GNAL: variants seen among roughly 807,000 people sequenced by gnomAD.
GNAL encodes the protein guanine nucleotide-binding protein G(olf) subunit alpha.
In GNAL, 18 loss-of-function variants were observed where a neutral mutation model predicts 55.1. That is an observed-to-expected ratio of 0.33 (90% CI 0.23 to 0.48). The LOEUF (loss-of-function observed/expected upper bound fraction) is 0.48. Ranked by LOEUF, GNAL falls within the 20% of genes least tolerant of loss-of-function variation. GNAL has a pLI of 0.99. For missense variants in GNAL, 412 were observed against 614.1 expected, an observed-to-expected ratio of 0.67 and a Z score of 3.48; for synonymous variants, 253 against 237.0, an observed-to-expected ratio of 1.07 and a Z score of -0.62.
rs1180551711 is a variant in GNAL, at chr18:11,882,980, T to TAAAG, written c.*1847_*1850dup. The stretch of plus-strand genomic sequence containing the variant: ...TTTGTAGGTCTAAAATAATAATCTA[T>TAAAG]AAAGATGTCCAAAGTTAAATTTTCA... On this transcript the variant is annotated 3_prime_UTR_variant, in exon 12 of 12. Transcript: ENST00000334049. The TAAAG allele has an allele frequency of 1.3e-5, 2 of 151,866 alleles. No individual in the cohort carries two copies. Among genetic ancestry groups the TAAAG allele is most frequent in the Non-Finnish European group, 2.9e-5 (2 of 67,946 alleles). The allele number at this position is 151,866 out of a possible 1,614,324, so 9.4% of individuals were successfully genotyped here.
intron 4 of GNAL, among the ~76,000 whole-genome samples, chr18:11,817,364 A>G (rs1021444499): frequency 6.6e-6 from 1 of 152,194 alleles, no homozygotes; most frequent in Admixed American, 6.5e-5. Flanking sequence ...GATGGTTCTC[A>G]TGTTGTCATT....
chr18:11,831,347 C>T (rs2035378919), intron 5 of GNAL, among the ~76,000 whole-genome samples: 2 of 152,042 alleles, frequency 1.3e-5, no homozygotes, highest in African/African-American at 2.4e-5. Flanking sequence ...AGGTTAAGGT[C>T]AGAATATGTG....
intron 9 of GNAL, among the ~76,000 whole-genome samples, chr18:11,871,295 G>C: frequency 6.7e-6 from 1 of 149,010 alleles, no homozygotes. Context: ...CTGTCCCCCA[G>C]GCTGGAGTGC....
At chr18:11,716,385 G>A (rs1377501737) in intron 1 of GNAL, among the ~76,000 whole-genome samples, 2 of 152,182 alleles carry the variant, frequency 1.3e-5, no homozygotes, top group Non-Finnish European at 2.9e-5. Flanking sequence ...CGCGGTGAGT[G>A]TTACAGCTAA....
chr18:11,719,065 A>T (rs74327238), intron 1 of GNAL, among the ~76,000 whole-genome samples: 3,181 of 152,298 alleles, frequency 0.021, 60 homozygotes, highest in Middle Eastern at 0.048. Flanking sequence ...GTCAAGGCTG[A>T]TTGTCATTTG....
chr18:11,729,524 TCTTC>T (rs762307193), intron 1 of GNAL, among the ~76,000 whole-genome samples: 21 of 152,226 alleles, frequency 1.4e-4, no homozygotes, highest in Non-Finnish European at 2.8e-4. Context: ...TTGGAAGTGC[TCTTC>T]CTTAAGTTTC....
intron 4 of GNAL, among the ~76,000 whole-genome samples, chr18:11,757,169 C>T (rs563313482): frequency 2.4e-4 from 37 of 152,180 alleles, no homozygotes; most frequent in South Asian, 6.3e-4. Context: ...TGGTGTCTTT[C>T]ATTTGAATTT....
chr18:11,839,370 C>T (rs2035563554), intron 5 of GNAL, among the ~76,000 whole-genome samples: 1 of 150,996 alleles, frequency 6.6e-6, no homozygotes. Flanking sequence ...TTGGCGAGAC[C>T]TCATCTCTAC....
chr18:11,730,031 C>CTTTTTTTTTTTT (rs1431492708), intron 1 of GNAL, among the ~76,000 whole-genome samples: 1 of 151,434 alleles, frequency 6.6e-6, no homozygotes, highest in African/African-American at 2.4e-5. Flanking sequence ...TTTTTCTTTT[C>CTTTTTTTTTTTT]TTTTCTTTTC....
chr18:11,700,344 C>T (rs2031536203), intron 1 of GNAL, among the ~76,000 whole-genome samples: 1 of 152,238 alleles, frequency 6.6e-6, no homozygotes, highest in South Asian at 2.1e-4. Flanking sequence ...ATAAAGCCCT[C>T]TAGACATGCA....
chr18:11,739,527 C>A (rs143277812), intron 1 of GNAL, among the ~76,000 whole-genome samples: 1,756 of 152,326 alleles, frequency 0.012, 15 homozygotes, highest in Middle Eastern at 0.048. Flanking sequence ...GCAGTTTCAT[C>A]GGTCGGCCCC....
intron 1 of GNAL, among the ~76,000 whole-genome samples, chr18:11,716,708 A>G (rs2031975237): frequency 6.6e-6 from 1 of 152,208 alleles, no homozygotes; most frequent in Non-Finnish European, 1.5e-5. Context: ...CAGAGTAGCT[A>G]GATACAGAGT....
chr18:11,759,868 G>C (rs575838726), intron 4 of GNAL, among the ~76,000 whole-genome samples: 1 of 152,168 alleles, frequency 6.6e-6, no homozygotes, highest in Non-Finnish European at 1.5e-5. Context: ...CTGCTAGAAG[G>C]CTTTGTGCTG....
In GNAL at chr18:11,851,558, A is replaced by G. The variant is rs777911714; in HGVS notation, c.723-10837A>G. The G allele has an allele frequency of 1.2e-5, 19 of 1,610,352 alleles. No individual in the cohort carries two copies. The African/African-American group carries it at 1.6e-4, about 14-fold the overall frequency. ...CTGTTCAACCTGAAGTTCGCGGCCA[A>G]AGAACTGAGTAGGAGTGCCAAAAAA... On this transcript the variant is annotated intron_variant, in intron 5 of 11. Transcript: ENST00000334049.
intron 4 of GNAL, among the ~76,000 whole-genome samples, chr18:11,790,730 C>T (rs1326849304): frequency 1.4e-5 from 2 of 141,112 alleles, no homozygotes; most frequent in Non-Finnish European, 3.0e-5. Context: ...GATCTCGTCT[C>T]ACTGCAAGCT....
intron 1 of GNAL, chr18:11,746,104 C>A: frequency 1.9e-6 from 1 of 522,890 alleles, no homozygotes; most frequent in South Asian, 1.4e-5. Context: ...TCCACGACTC[C>A]CCTTTTAAAA....
At position 11,689,906 on chromosome 18, in the gene GNAL, G is replaced by A. The variant is rs1219681132; in HGVS notation, c.343G>A (p.Asp115Asn). 31 of 1,461,502 alleles carry A rather than the reference G, an allele frequency of 2.1e-5. No individual in the cohort carries two copies. The highest frequency in any genetic ancestry group is 2.6e-5 in the Non-Finnish European group (29 of 1,105,814). 90.5% of individuals were successfully genotyped at this position (1,461,502 alleles called of 1,614,324 possible). ...CCGCATGCTGCGCGACCAGAAGCGC[G>A]ACCTGCAGCAGACGCACCGGCTCCT... ...IDRMLRDQKRDLQQTHRLLLL... is the reference protein window; with the variant it reads ...IDRMLRDQKRNLQQTHRLLLL... Residue 115 changes from aspartate to asparagine, a missense_variant, in exon 1 of 12, where the codon GAC becomes AAC. By Grantham distance (23) the Asp-to-Asn change is conservative. Around this residue, in one of 5 missense-constraint regions of GNAL, gnomAD observed 228 missense variants for 194.8 expected, o/e 1.17. Coordinates refer to ENST00000334049, the MANE Select transcript of GNAL (RefSeq NM_182978.4).
chr18:11,818,229 A>G (rs1037554554), intron 4 of GNAL, among the ~76,000 whole-genome samples: 3 of 152,202 alleles, frequency 2.0e-5, no homozygotes, highest in Admixed American at 1.3e-4. Context: ...TATACATAAC[A>G]AAATCATAGT....
intron 9 of GNAL, among the ~76,000 whole-genome samples, chr18:11,871,550 A>G (rs2848467): frequency 0.33 from 50,025 of 151,746 alleles, 9,451 homozygotes; most frequent in African/African-American, 0.52. Context: ...CACGTGGCCA[A>G]ATTGTGTTAT....
Sources: gnomAD v4.1 joint callset for allele counts (sites outside exome capture counted in the v4.1 genomes callset) on GRCh38, gnomAD v4.1.1 for gene constraint, gnomAD v4.1.1 regional missense constraint, MANE v1.5 for transcripts, NCBI Gene and HGNC (gene_info 2026-07-23, HGNC 2026-07-21) for gene names.